Variants in ADAM17 observed in about 807,000 individuals in gnomAD.
The protein encoded by ADAM17 is disintegrin and metalloproteinase domain-containing protein 17.
ADAM17 carries 39 observed loss-of-function variants against 96.7 expected under a neutral mutation model. That is an observed-to-expected ratio of 0.40 (90% CI 0.31 to 0.53). The LOEUF (loss-of-function observed/expected upper bound fraction) is 0.53. Among genes scored for constraint, ADAM17 ranks in the 20% least tolerant of loss-of-function variants. The pLI, the probability that ADAM17 is intolerant of heterozygous loss-of-function variation, is 0.44. For synonymous variants in ADAM17, 344 were observed against 359.2 expected (o/e 0.96, Z 0.48); for missense variants, 777 against 1,013.2 (o/e 0.77, Z 3.17).
In ADAM17 at chr2:9,518,061, T is replaced by A. The variant is rs1664144596; in HGVS notation, c.1102+42A>T. On this transcript the variant is annotated intron_variant, in intron 9 of 18. Transcript: ENST00000310823. ...TTATAATATAATCCAATCATCTTAA[T>A]AATCCCAGCAGCATATTCACACAAG... is the stretch of plus-strand genomic sequence containing the variant. The A allele has an allele frequency of 4.4e-6, 7 of 1,573,648 alleles. No homozygotes were observed. In the South Asian group the frequency reaches 8.3e-5, roughly 19 times the overall value.
At position 9,507,403 on chromosome 2, in the gene ADAM17, A is replaced by G. The variant is rs1344353743; in HGVS notation, c.1345-2038T>C. ...TGTAACCCCAGCTACTCAGGAGGCTAAGGCAGGAGAATCGCTTGAACCTGG... is the reference window on the plus strand; with the variant it reads ...TGTAACCCCAGCTACTCAGGAGGCTGAGGCAGGAGAATCGCTTGAACCTGG... On this transcript the variant is annotated intron_variant, in intron 11 of 18. Coordinates refer to ENST00000310823, the MANE Select transcript of ADAM17 (RefSeq NM_003183.6). 5.3e-5 allele frequency among the ~76,000 whole-genome samples: 8 copies of G among 152,164 alleles called. No individual in the cohort carries two copies. In the South Asian group the frequency reaches 1.0e-3, roughly 20 times the overall value.
chr2:9,505,210 G>A lies in ADAM17; in HGVS notation c.1500C>T (p.Thr500=), dbSNP rs770937007. 6.2e-7 allele frequency: 1 copy of A among 1,614,048 alleles called. No homozygotes were observed. The highest frequency in any genetic ancestry group is 1.3e-5 in the African/African-American group (1 of 74,910). ...DPGIMYLNND[T]CCNSDCTLKE... ...TCAACGTGCAGTCGCTGTTGCAGCAGGTGTCGTTGTTCAGATACATGATGC... is the reference window on the plus strand; with the variant it reads ...TCAACGTGCAGTCGCTGTTGCAGCAAGTGTCGTTGTTCAGATACATGATGC... Residue 500 remains threonine (T), a synonymous_variant, in exon 12 of 19, where the codon ACC becomes ACT. Transcript: ENST00000310823.
intron 4 of ADAM17, among the ~76,000 whole-genome samples, chr2:9,532,917 G>A (rs1317744222): frequency 4.6e-5 from 7 of 152,154 alleles, no homozygotes; most frequent in African/African-American, 1.4e-4. Flanking sequence ...CTAGCTGGGC[G>A]TGGTGGCTCA....
intron 13 of ADAM17, among the ~76,000 whole-genome samples, chr2:9,497,576 G>C (rs976294795): frequency 6.6e-6 from 1 of 152,180 alleles, no homozygotes; most frequent in Non-Finnish European, 1.5e-5. Flanking sequence ...TTTGTATGAA[G>C]GCTTAAAAGA....
In ADAM17 at chr2:9,535,934, A is replaced by G. The variant is rs1664944649; in HGVS notation, c.362-12T>C. 1 of 1,487,646 alleles carries G rather than the reference A, an allele frequency of 6.7e-7. No homozygotes were observed. Among genetic ancestry groups the G allele is most frequent in the African/African-American group, 1.4e-5 (1 of 69,848 alleles). The allele number at this position is 1,487,646 out of a possible 1,614,324, so 92.2% of individuals were successfully genotyped here. The stretch of plus-strand genomic sequence containing the variant: ...AGAGTCAGGCTCACCTTAAGAGAAA[A>G]AAAAAATTATTATTTAAAAATACTT... On this transcript the variant is annotated splice_polypyrimidine_tract_variant and intron_variant, in intron 3 of 18. Coordinates refer to ENST00000310823, the MANE Select transcript of ADAM17 (RefSeq NM_003183.6).
intron 10 of ADAM17, among the ~76,000 whole-genome samples, chr2:9,511,254 G>T (rs542663501): frequency 6.6e-6 from 1 of 152,254 alleles, no homozygotes; most frequent in East Asian, 1.9e-4. Context: ...TTCGAGACCA[G>T]CCTGGCCAAC....
At chr2:9,523,487 A>T (rs1231626849) in intron 6 of ADAM17, 149 bp from the exon 7 acceptor site, 2 of 628,996 alleles carry the variant, frequency 3.2e-6, no homozygotes, top group East Asian at 5.6e-5. Flanking sequence ...TTGAGATGTT[A>T]CTGTATCAGA....
intron 13 of ADAM17, among the ~76,000 whole-genome samples, chr2:9,498,259 C>A (rs1032154229): frequency 6.6e-6 from 1 of 152,122 alleles, no homozygotes; most frequent in Non-Finnish European, 1.5e-5. Flanking sequence ...TGTAAAACTG[C>A]TGGGCTCAAG....
chr2:9,527,595 T>A, intron 5 of ADAM17, 191 bp downstream of exon 5: 1 of 377,944 alleles, frequency 2.6e-6, no homozygotes, highest in Non-Finnish European at 4.6e-6. Context: ...TTCCCATTAT[T>A]TTCCAGAGTT....
intron 2 of ADAM17, 96 bp downstream of exon 2, chr2:9,543,057 A>G: frequency 7.4e-7 from 1 of 1,356,076 alleles, no homozygotes; most frequent in Non-Finnish European, 9.9e-7. Flanking sequence ...TTTAAAATGT[A>G]ATTTCCCAAG....
chr2:9,554,762 T>C (rs2125049170), intron 1 of ADAM17, among the ~76,000 whole-genome samples: 1 of 152,296 alleles, frequency 6.6e-6, no homozygotes, highest in South Asian at 2.1e-4. Flanking sequence ...ATCCAATCTC[T>C]CTGGAAAATC....
intron 1 of ADAM17, among the ~76,000 whole-genome samples, chr2:9,545,796 G>A (rs994716102): frequency 6.6e-6 from 1 of 152,006 alleles, no homozygotes; most frequent in Non-Finnish European, 1.5e-5. Context: ...TTCACAAAAG[G>A]TTTTTAAGAA....
Position 9,518,392 on chromosome 2 carries a change from C to T in ADAM17, c.958-145G>A, listed in dbSNP as rs973532544. 18 of 1,033,486 alleles carry T rather than the reference C, an allele frequency of 1.7e-5. No homozygotes were observed. In the Admixed American group the frequency reaches 4.3e-4, roughly 25 times the overall value. 64.0% of individuals were successfully genotyped at this position (1,033,486 alleles called of 1,614,324 possible). Reference sequence around the variant, plus strand: ...AGCTCAGCACCAGCAATCACAACCTCGTGCAGTGCTTTGCTCTTTCCCTAA... The same window carrying T: ...AGCTCAGCACCAGCAATCACAACCTTGTGCAGTGCTTTGCTCTTTCCCTAA... On this transcript the variant is annotated intron_variant, in intron 8 of 18. Transcript: ENST00000310823.
intron 1 of ADAM17, among the ~76,000 whole-genome samples, chr2:9,547,546 G>T (rs533954251): frequency 6.6e-5 from 10 of 152,220 alleles, no homozygotes; most frequent in Non-Finnish European, 1.5e-4. Flanking sequence ...GAGGCCTTAG[G>T]TCAAGGGCAT....
chr2:9,522,702 C>T (rs773743872), intron 7 of ADAM17, among the ~76,000 whole-genome samples: 5 of 152,042 alleles, frequency 3.3e-5, no homozygotes, highest in Non-Finnish European at 7.4e-5. Context: ...TGTCAGAAGC[C>T]TTTTTAATTA....
At chr2:9,508,562 C>T (rs936191472) in intron 11 of ADAM17, among the ~76,000 whole-genome samples, 5 of 152,210 alleles carry the variant, frequency 3.3e-5, no homozygotes, top group Admixed American at 6.5e-5. Context: ...AGTAATCTCA[C>T]TCATGTCCTT....
At position 9,507,271 on chromosome 2, in the gene ADAM17, C is replaced by A. The variant is rs139500669; in HGVS notation, c.1345-1906G>T. 4.6e-5 allele frequency among the ~76,000 whole-genome samples: 7 copies of A among 152,278 alleles called. No homozygotes were observed. In the East Asian group the frequency reaches 1.4e-3, roughly 29 times the overall value. On this transcript the variant is annotated intron_variant, in intron 11 of 18. Coordinates refer to ENST00000310823, the MANE Select transcript of ADAM17 (RefSeq NM_003183.6). ...TTGAGAGGTCGAGGCAGGTGGATCA[C>A]CTGAGGTCAGGAGTTTGTTGACCAG...
chr2:9,491,454 C>A (rs1361499767), intron 17 of ADAM17, among the ~76,000 whole-genome samples: 2 of 152,208 alleles, frequency 1.3e-5, no homozygotes, highest in Admixed American at 6.5e-5. Flanking sequence ...ATAATAAAGG[C>A]ATCTTCCTGT....
rs112629487 is a variant in ADAM17, at chr2:9,544,389, G to A, written c.98-1104C>T. Among the ~76,000 whole-genome samples the A allele has an allele frequency of 3.1e-3, 474 of 151,934 alleles. 3 individuals carry two copies. Among genetic ancestry groups the A allele is most frequent in the African/African-American group, 0.011 (439 of 41,418 alleles). ...CTCTACTAAAAATACAAAATTAGCCGGGCATGGTGGTGCATGCCTGTAATC... is the reference window on the plus strand; with the variant it reads ...CTCTACTAAAAATACAAAATTAGCCAGGCATGGTGGTGCATGCCTGTAATC... On this transcript the variant is annotated intron_variant, in intron 1 of 18. Transcript: ENST00000310823.
Sources: allele counts gnomAD v4.1 joint callset (sites outside exome capture counted in the v4.1 genomes callset), GRCh38; gene constraint gnomAD v4.1.1; transcripts MANE v1.5; gene names NCBI Gene and HGNC (gene_info 2026-07-23, HGNC 2026-07-21).